The following ZFHX3 variants were observed in gnomAD, a reference collection of about 807,000 sequenced individuals.
ZFHX3 encodes the protein zinc finger homeobox 3.
Under a neutral mutation model 279.1 loss-of-function variants are expected in ZFHX3, and 42 were observed. That is an observed-to-expected ratio of 0.15 (90% CI 0.12 to 0.19). The LOEUF (loss-of-function observed/expected upper bound fraction) is 0.19. Among genes scored for constraint, ZFHX3 ranks in the 10% least tolerant of loss-of-function variants. The probability of loss-of-function intolerance (pLI) is 1.00; values close to 1 mark genes in which losing one functional copy is unlikely to be tolerated. For synonymous variants in ZFHX3, 2,293 were observed against 1,957.8 expected, an observed-to-expected ratio of 1.17 and a Z score of -4.52; for missense variants, 4,981 against 4,754.0, an observed-to-expected ratio of 1.05 and a Z score of -1.40.
At position 73,105,418 on chromosome 16, in the gene ZFHX3, CAT is replaced by C. The variant is rs758485554; in HGVS notation, c.-896-11822_-896-11821del. Among the ~76,000 whole-genome samples, 113 of 91,040 alleles carry C rather than the reference CAT, an allele frequency of 1.2e-3. 6 individuals carry two copies. In the East Asian group the frequency reaches 0.014, roughly 11 times the overall value. 59.7% of individuals were successfully genotyped at this position (91,040 alleles called of 152,430 possible). On this transcript the variant is annotated intron_variant, in intron 7 of 17. Coordinates refer to the ZFHX3 transcript ENST00000641206. ...ACATATATATATATATACACACACA[CAT>C]ATATATATATATACACACACACACA...
At chr16:73,401,371 A>AAAACAAAACACACACACACAC in intron 3 of ZFHX3, 1 of 120,912 alleles carries the variant, frequency 8.3e-6, no homozygotes, top group South Asian at 2.8e-4. Flanking sequence ...CAAAAAACAA[A>AAAACAAAACACACACACACAC]ACACACACAC....
chr16:73,225,710 T>A (rs1289967463), intron 5 of ZFHX3, among the ~76,000 whole-genome samples: 1 of 152,218 alleles, frequency 6.6e-6, no homozygotes, highest in African/African-American at 2.4e-5. Context: ...TTTGATGTGA[T>A]GTCATGACCC....
At chr16:73,786,119 C>A (rs1219984724) in intron 1 of ZFHX3, among the ~76,000 whole-genome samples, 1 of 152,118 alleles carries the variant, frequency 6.6e-6, no homozygotes, top group Non-Finnish European at 1.5e-5. Flanking sequence ...GATCCACCTG[C>A]CTTGGCCTCC....
At chr16:73,200,569 A>T (rs1456856487) in intron 5 of ZFHX3, among the ~76,000 whole-genome samples, 1 of 152,242 alleles carries the variant, frequency 6.6e-6, no homozygotes, top group Non-Finnish European at 1.5e-5. Flanking sequence ...AGGAAGCCAT[A>T]GTCTGAAAAA....
At chr16:72,799,805 T>A (rs1342167173) in intron 8 of ZFHX3, among the ~76,000 whole-genome samples, 1 of 152,240 alleles carries the variant, frequency 6.6e-6, no homozygotes, top group Non-Finnish European at 1.5e-5. Context: ...AGAATTCCAC[T>A]GGTTCTCATA....
intron 4 of ZFHX3, among the ~76,000 whole-genome samples, chr16:72,850,091 G>A (rs896058151): frequency 2.0e-5 from 3 of 152,070 alleles, no homozygotes; most frequent in African/African-American, 7.2e-5. Context: ...AATGATTCAG[G>A]CCCCAGACTG....
chr16:73,758,540 T>C (rs1380711332), intron 1 of ZFHX3, among the ~76,000 whole-genome samples: 1 of 152,232 alleles, frequency 6.6e-6, no homozygotes, highest in Non-Finnish European at 1.5e-5. Flanking sequence ...ACGGCCTTCG[T>C]GGGGCATACC....
intron 1 of ZFHX3, among the ~76,000 whole-genome samples, chr16:72,993,207 G>A (rs958250634): frequency 6.6e-6 from 1 of 152,108 alleles, no homozygotes; most frequent in Non-Finnish European, 1.5e-5. Flanking sequence ...CGGCCTGGCT[G>A]GCCAGCCTGG....
At chr16:73,746,533 G>A (rs1461895632) in intron 1 of ZFHX3, among the ~76,000 whole-genome samples, 1 of 152,186 alleles carries the variant, frequency 6.6e-6, no homozygotes, top group African/African-American at 2.4e-5. Context: ...TCCCTCTGGG[G>A]AGTCCAGGGG....
chr16:73,318,472 A>T (rs2015504124), intron 3 of ZFHX3: 1 of 151,962 alleles, frequency 6.6e-6, no homozygotes, highest in African/African-American at 2.4e-5. Flanking sequence ...ATGTCCAAAG[A>T]TGCAATTAGG....
chr16:73,465,523 C>T (rs774556794), intron 2 of ZFHX3, among the ~76,000 whole-genome samples: 7 of 148,786 alleles, frequency 4.7e-5, no homozygotes, highest in Admixed American at 1.3e-4. Flanking sequence ...GCTCCTTCTC[C>T]GGTTCCCCAT....
intron 2 of ZFHX3, among the ~76,000 whole-genome samples, chr16:73,529,466 C>G (rs2019754192): frequency 6.6e-6 from 1 of 152,162 alleles, no homozygotes; most frequent in South Asian, 2.1e-4. Context: ...GGCACCCACC[C>G]AGGCAGGGAG....
At chr16:73,434,867 T>C (rs2017970550) in intron 3 of ZFHX3, among the ~76,000 whole-genome samples, 1 of 152,190 alleles carries the variant, frequency 6.6e-6, no homozygotes, top group East Asian at 1.9e-4. Context: ...GTCCAGTCAG[T>C]GGCCGGCATG....
At chr16:72,912,864 A>G (rs772313367) in intron 3 of ZFHX3, among the ~76,000 whole-genome samples, 129 of 152,242 alleles carry the variant, frequency 8.5e-4, no homozygotes, top group Non-Finnish European at 1.5e-3. Context: ...AGCTGGGACT[A>G]TAAGCACACA....
upstream of ZFHX3, among the ~76,000 whole-genome samples, chr16:73,050,710 C>A (rs569140339): frequency 1.3e-5 from 2 of 152,182 alleles, no homozygotes; most frequent in Non-Finnish European, 2.9e-5. Context: ...CCATGGCCTA[C>A]CCAGCAGTGA....
chr16:72,895,125 G>A (rs995866326), intron 3 of ZFHX3, among the ~76,000 whole-genome samples: 7 of 152,144 alleles, frequency 4.6e-5, no homozygotes, highest in East Asian at 1.9e-4. Flanking sequence ...CTGCATGCAC[G>A]CGCACACACA....
chr16:73,070,073 G>C (rs1965803569), intron 8 of ZFHX3, among the ~76,000 whole-genome samples: 1 of 152,102 alleles, frequency 6.6e-6, no homozygotes. Flanking sequence ...TGTTTTGCTT[G>C]AGAATCCTTT....
intron 1 of ZFHX3, among the ~76,000 whole-genome samples, chr16:73,031,125 G>C (rs1168600553): frequency 6.6e-6 from 1 of 152,170 alleles, no homozygotes; most frequent in African/African-American, 2.4e-5. Context: ...AGGTCACAAG[G>C]ATCTATCAGA....
At chr16:72,971,878 ATTTTTTT>A (rs34508228) in intron 1 of ZFHX3, among the ~76,000 whole-genome samples, 233 of 95,472 alleles carry the variant, frequency 2.4e-3, no homozygotes, top group Admixed American at 0.012. Flanking sequence ...CTGCCTATTA[ATTTTTTT>A]TTTTTTTTTT....
Sources: allele counts gnomAD v4.1 joint callset (sites outside exome capture counted in the v4.1 genomes callset), GRCh38; gene constraint gnomAD v4.1.1; transcripts MANE v1.5; gene names NCBI Gene and HGNC (gene_info 2026-07-23, HGNC 2026-07-21).